Variants in GDF6 observed in about 807,000 individuals in gnomAD.
GDF6 encodes growth differentiation factor 6.
A neutral mutation model predicts 32.4 loss-of-function variants in GDF6; 3 were observed. The ratio of observed to expected loss-of-function variants is 0.09; its 90% CI spans 0.04 to 0.24. GDF6 has a LOEUF of 0.24. Ranked by LOEUF, GDF6 falls within the 10% of genes least tolerant of loss-of-function variation. The pLI is 1.00. For synonymous variants in GDF6, 296 were observed against 295.3 expected (o/e 1.00, Z -0.03); for missense variants, 589 against 637.9 (o/e 0.92, Z 0.83).
At chr8:96,149,663 C>G (rs1056021635) in intron 1 of GDF6, among the ~76,000 whole-genome samples, 1 of 151,852 alleles carries the variant, frequency 6.6e-6, no homozygotes, top group Non-Finnish European at 1.5e-5. Context: ...AAAATTTTAA[C>G]TAAAAAAAGA....
At position 96,155,388 on chromosome 8, in the gene GDF6, A is replaced by G. The variant is rs539982933; in HGVS notation, c.406+4899T>C. ...GGAACTACAATAACTGATGTTTAACAGCAAGTCAGTGCCTAAGAGTTTGGT... is the reference window on the plus strand; with the variant it reads ...GGAACTACAATAACTGATGTTTAACGGCAAGTCAGTGCCTAAGAGTTTGGT... On this transcript the variant is annotated intron_variant, in intron 1 of 1. Coordinates refer to ENST00000287020, the MANE Select transcript of GDF6 (RefSeq NM_001001557.4). Among the ~76,000 whole-genome samples the G allele has an allele frequency of 8.5e-5, 13 of 152,412 alleles. No individual in the cohort carries two copies. In the South Asian group the frequency reaches 2.7e-3, roughly 32 times the overall value.
Position 96,142,573 on chromosome 8 carries a change from C to T in GDF6, c.*1990G>A, listed in dbSNP as rs1380575139. The T allele has an allele frequency of 1.3e-5, 2 of 152,600 alleles. No individual in the cohort carries two copies. Among genetic ancestry groups the T allele is most frequent in the Non-Finnish European group, 2.9e-5 (2 of 68,038 alleles). The allele number at this position is 152,600 out of a possible 1,614,324, so 9.5% of individuals were successfully genotyped here. On this transcript the variant is annotated 3_prime_UTR_variant, in exon 2 of 2. Transcript: ENST00000287020. Reference sequence around the variant, plus strand: ...AATGAAATATCTGATTAATGCTTAACTTTGTACAACTCGAATATAAACTTT... The same window carrying T: ...AATGAAATATCTGATTAATGCTTAATTTTGTACAACTCGAATATAAACTTT...
chr8:96,157,066 G>T (rs1812676685), intron 1 of GDF6, among the ~76,000 whole-genome samples: 2 of 152,194 alleles, frequency 1.3e-5, no homozygotes, highest in Admixed American at 1.3e-4. Flanking sequence ...CTAGGAAGTG[G>T]TTGTGATAAC....
Position 96,160,413 on chromosome 8 carries a change from G to T in GDF6, c.280C>A (p.Pro94Thr). 1.2e-6 allele frequency: 2 copies of T among 1,614,154 alleles called. No homozygotes were observed. Among genetic ancestry groups the T allele is most frequent in the East Asian group, 2.2e-5 (1 of 44,864 alleles). The change falls in exon 1 of 2, where the codon CCC becomes ACC. Residue 94 changes from proline (P) to threonine (T), a missense_variant. Physicochemically the swap from Pro to Thr is conservative, Grantham distance 38. Coordinates refer to ENST00000287020, the MANE Select transcript of GDF6 (RefSeq NM_001001557.4). ...EPPGRGPRVV[P>T]HEYMLSIYRT... ...TAGATTGACAGCATGTACTCGTGGG[G>T]CACCACGCGCGGACCCCTGCCTGGC...
In GDF6 at chr8:96,144,291, A is replaced by AGAGAGAGAG. The variant is rs1554571161; in HGVS notation, c.*271_*272insCTCTCTCTC. ...GAGAGAGAGAGAGAGAGAGAGAGAG[A>AGAGAGAGAG]AAACAGAACAAAAGAAATCCTCCTT... On this transcript the variant is annotated 3_prime_UTR_variant, in exon 2 of 2. Coordinates refer to ENST00000287020, the MANE Select transcript of GDF6 (RefSeq NM_001001557.4). This position sits in a 1 kb window ranked among gnomAD's most constrained non-coding sequence, Gnocchi z 5.1. The AGAGAGAGAG allele has an allele frequency of 1.3e-3, 638 of 487,576 alleles. 12 individuals are homozygous for AGAGAGAGAG. Among genetic ancestry groups the AGAGAGAGAG allele is most frequent in the African/African-American group, 9.0e-3 (372 of 41,310 alleles). 30.2% of individuals were successfully genotyped at this position (487,576 alleles called of 1,614,324 possible). A position where few individuals can be genotyped will look rare whatever the true frequency, so the allele number is the denominator to read the frequency against.
chr8:96,159,713 G>C (rs945442039), intron 1 of GDF6, among the ~76,000 whole-genome samples: 3 of 152,236 alleles, frequency 2.0e-5, no homozygotes, highest in Non-Finnish European at 4.4e-5. Context: ...GCTCCAGCCC[G>C]GCTGACCATC....
At chr8:96,146,707 C>CACACACACAGAGAGAGAG (rs367654279) in intron 1 of GDF6, among the ~76,000 whole-genome samples, 7 of 139,920 alleles carry the variant, frequency 5.0e-5, no homozygotes, top group African/African-American at 2.0e-4. Context: ...CACACACACA[C>CACACACACAGAGAGAGAG]AGAGAGAGAG....
chr8:96,154,997 C>T (rs1812635500), intron 1 of GDF6, among the ~76,000 whole-genome samples: 1 of 152,180 alleles, frequency 6.6e-6, no homozygotes. Flanking sequence ...GAGGAGCTTT[C>T]AAGTCCTGAT....
rs1812465556 is a variant in GDF6, at chr8:96,145,591, C to A, written c.407-67G>T. 6.3e-7 allele frequency: 1 copy of A among 1,588,916 alleles called. No homozygotes were observed. The highest frequency in any genetic ancestry group is 8.5e-7 in the Non-Finnish European group (1 of 1,174,038). On this transcript the variant is annotated intron_variant, in intron 1 of 1. Transcript: ENST00000287020. The surrounding 1 kb of genome is among the most constrained non-coding windows in gnomAD (Gnocchi z 5.6). Reference sequence around the variant, plus strand: ...GGAGATCAGCCCGGTGCTCTTCGGCCGCCCCGGGAGGAAAAGGGCGGGGAG... The same window carrying A: ...GGAGATCAGCCCGGTGCTCTTCGGCAGCCCCGGGAGGAAAAGGGCGGGGAG...
At chr8:96,157,210 G>A (rs76485817) in intron 1 of GDF6, among the ~76,000 whole-genome samples, 5,854 of 152,100 alleles carry the variant, frequency 0.038, 142 homozygotes, top group African/African-American at 0.065. Flanking sequence ...TTTTAGGTTT[G>A]TTTGGTTTCT....
intron 1 of GDF6, among the ~76,000 whole-genome samples, chr8:96,156,127 C>T (rs1378213321): frequency 3.3e-5 from 5 of 152,204 alleles, no homozygotes; most frequent in Non-Finnish European, 7.3e-5. Flanking sequence ...CAAGGATGTT[C>T]CCATCTCGTT....
At chr8:96,151,472 G>A (rs1019724757) in intron 1 of GDF6, among the ~76,000 whole-genome samples, 3 of 152,176 alleles carry the variant, frequency 2.0e-5, no homozygotes. Flanking sequence ...CAGTATCTGT[G>A]CCACCACCCT....
rs368267611 is a variant in GDF6 at position 96,160,077 on chromosome 8, G to T, written c.406+210C>A. The stretch of plus-strand genomic sequence containing the variant: ...GGAAAGAAGGGAGAGAGAAAGAAAG[G>T]GGGGGAAAGGAAGGGAGGTTTAGAG... On this transcript the variant is annotated intron_variant, in intron 1 of 1. Coordinates refer to ENST00000287020, the MANE Select transcript of GDF6 (RefSeq NM_001001557.4). Among the ~76,000 whole-genome samples the T allele has an allele frequency of 4.6e-5, 7 of 152,362 alleles. No homozygotes were observed. In the East Asian group the frequency reaches 5.8e-4, roughly 13 times the overall value.
chr8:96,160,078 G>C (rs1812734197), intron 1 of GDF6, among the ~76,000 whole-genome samples: 1 of 152,256 alleles, frequency 6.6e-6, no homozygotes, highest in Admixed American at 6.5e-5. Context: ...GAAAGAAAGG[G>C]GGGGAAAGGA....
Position 96,145,455 on chromosome 8 carries a change from T to C in GDF6, c.476A>G (p.Glu159Gly). ...CCGCAGCTCCGCGCCCACCAGCTCT[T>C]CTTTGTCTGAGAGCATGGACACATC... is the stretch of plus-strand genomic sequence containing the variant. ...LFDVSMLSDK[E>G]ELVGAELRLF... Residue 159 changes from glutamate to glycine, a missense_variant, in exon 2 of 2, where the codon GAA (glutamate) becomes GGA (glycine). Physicochemically the swap from Glu to Gly is moderately conservative, Grantham distance 98 (BLOSUM62 -2). Around this residue, in one of 2 missense-constraint regions of GDF6, gnomAD observed 436 missense variants for 411.2 expected, o/e 1.06. Coordinates refer to ENST00000287020, the MANE Select transcript of GDF6 (RefSeq NM_001001557.4). This position sits in a 1 kb window ranked among gnomAD's most constrained non-coding sequence, Gnocchi z 5.6. The C allele has an allele frequency of 6.3e-7, 1 of 1,597,674 alleles. No homozygotes were observed. Among genetic ancestry groups the C allele is most frequent in the Non-Finnish European group, 8.5e-7 (1 of 1,179,578 alleles).
intron 1 of GDF6, among the ~76,000 whole-genome samples, chr8:96,147,228 C>T (rs1448876373): frequency 6.6e-6 from 1 of 152,162 alleles, no homozygotes; most frequent in African/African-American, 2.4e-5. Flanking sequence ...TACGCACATG[C>T]CCCAACCTGA....
At chr8:96,149,178 T>TA (rs931820205) in intron 1 of GDF6, among the ~76,000 whole-genome samples, 4 of 152,204 alleles carry the variant, frequency 2.6e-5, no homozygotes, top group Admixed American at 6.5e-5. Flanking sequence ...CCCCTTTGAC[T>TA]AAAAAAACAT....
At chr8:96,151,825 G>T (rs573626527) in intron 1 of GDF6, among the ~76,000 whole-genome samples, 1 of 152,290 alleles carries the variant, frequency 6.6e-6, no homozygotes, top group African/African-American at 2.4e-5. Context: ...CTTAGTGGCT[G>T]GGTGACCTTG....
chr8:96,158,286 G>A (rs941617379), intron 1 of GDF6, among the ~76,000 whole-genome samples: 6 of 152,212 alleles, frequency 3.9e-5, no homozygotes, highest in Admixed American at 6.5e-5. Flanking sequence ...TCTATCTCCA[G>A]GATCGGGGGC....
Sources: gnomAD v4.1 joint callset for allele counts (sites outside exome capture counted in the v4.1 genomes callset) on GRCh38, gnomAD v4.1.1 for gene constraint, gnomAD v4.1.1 regional missense constraint, Gnocchi (gnomAD v3.1) non-coding constraint, MANE v1.5 for transcripts, NCBI Gene and HGNC (gene_info 2026-07-23, HGNC 2026-07-21) for gene names.